DOK6: variants seen among roughly 807,000 people sequenced by gnomAD.
The protein encoded by DOK6 is docking protein 6.
In DOK6, 22 loss-of-function variants were observed where a neutral mutation model predicts 44.0. That is an observed-to-expected ratio of 0.50 (90% CI 0.36 to 0.71). The LOEUF (loss-of-function observed/expected upper bound fraction) is 0.71. Among genes scored for constraint, DOK6 ranks in the 30% least tolerant of loss-of-function variants. DOK6 has a pLI of 0.00. For synonymous variants in DOK6, 166 were observed against 145.5 expected (o/e 1.14, Z -1.01); for missense variants, 340 against 416.4 (o/e 0.82, Z 1.60).
intron 1 of DOK6, among the ~76,000 whole-genome samples, chr18:69,538,017 T>G (rs1392663271): frequency 6.6e-6 from 1 of 152,190 alleles, no homozygotes; most frequent in Non-Finnish European, 1.5e-5. Context: ...AAAACTGTCA[T>G]GTTCAATTTG....
At chr18:69,651,777 G>A (rs377010671) in intron 3 of DOK6, among the ~76,000 whole-genome samples, 7 of 151,708 alleles carry the variant, frequency 4.6e-5, no homozygotes, top group African/African-American at 7.3e-5. Context: ...GTCAGCTACC[G>A]CGCCCAGCCC....
chr18:69,587,841 A>G (rs932243940), intron 2 of DOK6, among the ~76,000 whole-genome samples: 1 of 152,088 alleles, frequency 6.6e-6, no homozygotes, highest in Non-Finnish European at 1.5e-5. Context: ...ATATTTCTAT[A>G]TACTGATTTT....
At chr18:69,572,963 G>A (rs1290873734) in intron 2 of DOK6, among the ~76,000 whole-genome samples, 1 of 151,358 alleles carries the variant, frequency 6.6e-6, no homozygotes, top group East Asian at 1.9e-4. Flanking sequence ...TTTGAGCCAC[G>A]ACATGTAGCA....
chr18:69,824,181 G>A (rs1174430528), intron 7 of DOK6, among the ~76,000 whole-genome samples: 1 of 77,476 alleles, frequency 1.3e-5, no homozygotes, highest in Non-Finnish European at 2.9e-5. Flanking sequence ...ATCTCCTAAT[G>A]CTATCCCTCC....
chr18:69,806,968 T>G (rs183914842), intron 7 of DOK6, among the ~76,000 whole-genome samples: 1 of 152,132 alleles, frequency 6.6e-6, no homozygotes, highest in Non-Finnish European at 1.5e-5. Flanking sequence ...TATATCTTAG[T>G]TGCTTATTAT....
intron 7 of DOK6, among the ~76,000 whole-genome samples, chr18:69,775,634 T>C (rs1259743086): frequency 6.7e-6 from 1 of 150,212 alleles, no homozygotes; most frequent in Non-Finnish European, 1.5e-5. Context: ...GAAAAAAGAG[T>C]AAATAAATAT....
chr18:69,492,390 T>TTTATTTTATTTTATC (rs1223917225), intron 1 of DOK6, among the ~76,000 whole-genome samples: 5 of 152,052 alleles, frequency 3.3e-5, no homozygotes, highest in Admixed American at 3.3e-4. Flanking sequence ...CTTTTAAAAA[T>TTTATTTTATTTTATC]TTATTTTATT....
chr18:69,477,443 C>G (rs976061250), intron 1 of DOK6, among the ~76,000 whole-genome samples: 5 of 152,072 alleles, frequency 3.3e-5, no homozygotes, highest in African/African-American at 1.2e-4. Flanking sequence ...TCTTTGTTTG[C>G]CATAGCAATG....
At chr18:69,816,026 G>GTGA (rs1981388219) in intron 7 of DOK6, among the ~76,000 whole-genome samples, 1 of 152,130 alleles carries the variant, frequency 6.6e-6, no homozygotes, top group Non-Finnish European at 1.5e-5. Flanking sequence ...ATAACACACT[G>GTGA]TGACTTAAGA....
intron 1 of DOK6, among the ~76,000 whole-genome samples, chr18:69,490,382 T>C (rs749507649): frequency 3.3e-5 from 5 of 152,124 alleles, no homozygotes; most frequent in Non-Finnish European, 5.9e-5. Context: ...ATATGTTGGA[T>C]AGGATACTCA....
At chr18:69,461,158 A>G (rs1309695709) in intron 1 of DOK6, among the ~76,000 whole-genome samples, 1 of 152,204 alleles carries the variant, frequency 6.6e-6, no homozygotes, top group Non-Finnish European at 1.5e-5. Flanking sequence ...TGATGAACAC[A>G]TATACTTCAG....
intron 7 of DOK6, among the ~76,000 whole-genome samples, chr18:69,762,787 T>A (rs1038974630): frequency 2.0e-5 from 3 of 152,218 alleles, no homozygotes; most frequent in Non-Finnish European, 4.4e-5. Context: ...AAGCTTTGAC[T>A]TAGCTCAGTT....
intron 7 of DOK6, among the ~76,000 whole-genome samples, chr18:69,835,316 T>A (rs936485471): frequency 3.3e-5 from 5 of 151,728 alleles, no homozygotes; most frequent in African/African-American, 7.3e-5. Context: ...ACAAAAAAAA[T>A]TAGTTGGGTA....
chr18:69,732,506 A>G (rs1320519381), intron 5 of DOK6, among the ~76,000 whole-genome samples: 1 of 152,186 alleles, frequency 6.6e-6, no homozygotes, highest in Non-Finnish European at 1.5e-5. Flanking sequence ...TCTTATATGT[A>G]TATATTTTCA....
chr18:69,652,543 C>T (rs576230714), intron 3 of DOK6, among the ~76,000 whole-genome samples: 16 of 152,280 alleles, frequency 1.1e-4, no homozygotes, highest in Non-Finnish European at 2.1e-4. Flanking sequence ...AGGACATTTT[C>T]GGGCAGCATC....
chr18:69,759,175 C>T (rs888075138), intron 7 of DOK6, among the ~76,000 whole-genome samples: 1 of 152,104 alleles, frequency 6.6e-6, no homozygotes, highest in African/African-American at 2.4e-5. Context: ...GGAGTGGAGA[C>T]TGGTTTGGCA....
At chr18:69,538,670 A>ATCAT (rs1194433532) in intron 1 of DOK6, among the ~76,000 whole-genome samples, 2 of 732 alleles carry the variant, frequency 2.7e-3, no homozygotes, top group African/African-American at 3.9e-3. Flanking sequence ...GCTGTGAGCT[A>ATCAT]CCGCCTCCAT....
intron 7 of DOK6, among the ~76,000 whole-genome samples, chr18:69,836,368 A>G (rs1416209027): frequency 6.6e-6 from 1 of 152,112 alleles, no homozygotes; most frequent in African/African-American, 2.4e-5. Flanking sequence ...ATATTTTCTT[A>G]TTTATGGAAT....
At chr18:69,633,909 C>A (rs186677122) in intron 3 of DOK6, among the ~76,000 whole-genome samples, 67 of 151,902 alleles carry the variant, frequency 4.4e-4, no homozygotes, top group Non-Finnish European at 9.1e-4. Flanking sequence ...CCCTGGCTCA[C>A]CAATGGTTTT....
Sources: allele counts gnomAD v4.1 joint callset (sites outside exome capture counted in the v4.1 genomes callset), GRCh38; gene constraint gnomAD v4.1.1; transcripts MANE v1.5; gene names NCBI Gene and HGNC (gene_info 2026-07-23, HGNC 2026-07-21).